Variants in IL1RL1 observed in about 807,000 individuals in gnomAD.
IL1RL1 encodes the protein interleukin 1 receptor like 1.
In IL1RL1, 32 loss-of-function variants were observed where a neutral mutation model predicts 50.9. The ratio of observed to expected loss-of-function variants is 0.63; its 90% CI spans 0.47 to 0.84. The LOEUF (loss-of-function observed/expected upper bound fraction) is 0.84, where lower values mean the gene tolerates loss of function less well. IL1RL1 is among the 40% of genes least tolerant of loss of function. IL1RL1 has a pLI of 0.00. For missense variants in IL1RL1, 773 were observed against 662.9 expected, an observed-to-expected ratio of 1.17 and a Z score of -1.82; for synonymous variants, 275 against 236.0, an observed-to-expected ratio of 1.17 and a Z score of -1.51.
At chr2:102,343,518 C>T (rs1677662874) in intron 8 of IL1RL1, 103 bp downstream of exon 8, 1 of 1,600,276 alleles carries the variant, frequency 6.2e-7, no homozygotes, top group South Asian at 1.1e-5. Flanking sequence ...TGGGAATGGC[C>T]TGTGCCATAA....
At chr2:102,339,261 A>G in intron 3 of IL1RL1, 1 of 505,762 alleles carries the variant, frequency 2.0e-6, no homozygotes, top group Non-Finnish European at 3.5e-6. Context: ...TTACAGTTGC[A>G]GGGATTGATT....
intron 1 of IL1RL1, among the ~76,000 whole-genome samples, chr2:102,322,618 A>G (rs1208780431): frequency 2.0e-5 from 3 of 152,240 alleles, no homozygotes; most frequent in African/African-American, 7.2e-5. Flanking sequence ...ATGAGAGAAT[A>G]TGATTTTCTA....
chr2:102,341,080 C>A, intron 5 of IL1RL1: 1 of 718,514 alleles, frequency 1.4e-6, no homozygotes, highest in Non-Finnish European at 1.9e-6. Context: ...TTTTTTGTGA[C>A]TTAATTTTCC....
intron 8 of IL1RL1, chr2:102,343,866 A>G: frequency 1.0e-6 from 1 of 1,002,414 alleles, no homozygotes; most frequent in Non-Finnish European, 1.2e-6. Context: ...CGAGGGTGGT[A>G]AAGTGAACAA....
At chr2:102,349,765 T>A (rs571338880) in intron 10 of IL1RL1, among the ~76,000 whole-genome samples, 9 of 152,314 alleles carry the variant, frequency 5.9e-5, no homozygotes, top group African/African-American at 2.2e-4. Context: ...TACCCAATTT[T>A]ATATACTTTT....
At position 102,351,873 on chromosome 2, in the gene IL1RL1, T is replaced by A. The variant is rs767247490; in HGVS notation, c.1623T>A (p.Ile541=). The A allele has an allele frequency of 6.2e-7, 1 of 1,613,768 alleles. No individual in the cohort carries two copies. The highest frequency in any genetic ancestry group is 8.5e-7 in the Non-Finnish European group (1 of 1,179,850). ...VRYQMPVPSK[I]PRKASSLTPL... ...ACCAAATGCCTGTGCCAAGCAAAAT[T>A]CCCAGAAAGGCCTCTAGTTTGACTC... is the stretch of plus-strand genomic sequence containing the variant. Residue 541 remains isoleucine, a synonymous_variant, in exon 11 of 11, where the codon ATT becomes ATA. Transcript: ENST00000233954.
chr2:102,322,949 G>T lies in IL1RL1; in HGVS notation c.-150+11326G>T, dbSNP rs920642722. Among the ~76,000 whole-genome samples the T allele has an allele frequency of 2.6e-5, 4 of 151,940 alleles. No homozygotes were observed. In the South Asian group the frequency reaches 6.2e-4, roughly 24 times the overall value. ...CTTAGCATAATTTTTCAGGAGCAAG[G>T]CTTTATTATTTTTTTGTTTGGAAAT... is the stretch of plus-strand genomic sequence containing the variant. On this transcript the variant is annotated intron_variant, in intron 1 of 10. Transcript: ENST00000233954.
At chr2:102,330,241 C>CA (rs1373574717) in intron 1 of IL1RL1, among the ~76,000 whole-genome samples, 1 of 151,226 alleles carries the variant, frequency 6.6e-6, no homozygotes, top group Non-Finnish European at 1.5e-5. Context: ...ATCGCAAGGA[C>CA]AAAAAACCGA....
chr2:102,321,074 A>G (rs1259915085), intron 1 of IL1RL1, among the ~76,000 whole-genome samples: 1 of 152,122 alleles, frequency 6.6e-6, no homozygotes, highest in Non-Finnish European at 1.5e-5. Flanking sequence ...CCTCGGACAC[A>G]CCAGGCTTGC....
chr2:102,335,960 G>A (rs1016928862), intron 1 of IL1RL1, among the ~76,000 whole-genome samples: 1 of 152,156 alleles, frequency 6.6e-6, no homozygotes, highest in African/African-American at 2.4e-5. Flanking sequence ...AATTTACGGC[G>A]AACATCTCAT....
rs10204137 is a variant in IL1RL1 at position 102,351,752 on chromosome 2, A to G, written c.1502A>G (p.Gln501Arg). The change falls in exon 11 of 11, where the codon CAG (glutamine) becomes CGG (arginine). Residue 501 changes from glutamine to arginine, a missense_variant. Coordinates refer to ENST00000233954, the MANE Select transcript of IL1RL1 (RefSeq NM_016232.5). ...GCTGAGGCGCTTCAGGACTCCCTCCAGCATCTTATGAAAGTACAGGGGACC... is the reference window on the plus strand; with the variant it reads ...GCTGAGGCGCTTCAGGACTCCCTCCGGCATCTTATGAAAGTACAGGGGACC... ...LQAEALQDSLQHLMKVQGTIK... is the reference protein window; with the variant it reads ...LQAEALQDSLRHLMKVQGTIK... 0.38 allele frequency: 606,717 copies of G among 1,612,806 alleles called. 122,646 individuals are homozygous for G. Among genetic ancestry groups the G allele is most frequent in the African/African-American group, 0.71 (52,887 of 74,822 alleles).
In IL1RL1 at chr2:102,343,405, GA is replaced by G; in HGVS notation, c.965del (p.Asn322IlefsTer11). 3 of 1,614,200 alleles carry G rather than the reference GA, an allele frequency of 1.9e-6. No homozygotes were observed. The highest frequency in any genetic ancestry group is 2.5e-6 in the Non-Finnish European group (3 of 1,180,028). On this transcript the variant is annotated frameshift_variant, in exon 8 of 11. Coordinates refer to ENST00000233954, the MANE Select transcript of IL1RL1 (RefSeq NM_016232.5). LOFTEE classifies it high-confidence loss of function. Reference sequence around the variant, plus strand: ...GAAGGCACACCGTAAGACTAAGTAGGAAAAATCCAAGTAAGGAGTGTTTCTG... The same window carrying G: ...GAAGGCACACCGTAAGACTAAGTAGGAAAATCCAAGTAAGGAGTGTTTCTG... ...LRRHTVRLSR[K>X]NPIDHHSIYC...
chr2:102,324,585 G>T (rs1180406824), intron 1 of IL1RL1, among the ~76,000 whole-genome samples: 1 of 152,298 alleles, frequency 6.6e-6, no homozygotes, highest in South Asian at 2.1e-4. Context: ...AAGGGGTCAG[G>T]GAATTCCCTT....
chr2:102,338,464 AT>A, intron 2 of IL1RL1, 139 bp downstream of exon 2: 1 of 539,410 alleles, frequency 1.9e-6, no homozygotes, highest in East Asian at 3.0e-5. Context: ...TTGTACAATC[AT>A]TTTTCATTAC....
intron 1 of IL1RL1, among the ~76,000 whole-genome samples, chr2:102,330,272 T>C (rs570510529): frequency 7.5e-5 from 11 of 147,624 alleles, no homozygotes; most frequent in African/African-American, 2.5e-4. Context: ...TTCTCACTCA[T>C]AGATGGGAAT....
chr2:102,347,815 G>A, intron 8 of IL1RL1, 130 bp from the exon 9 acceptor site: 1 of 600,640 alleles, frequency 1.7e-6, no homozygotes, highest in East Asian at 2.8e-5. Flanking sequence ...ACTTAAAGCA[G>A]CCATGAAAAT....
chr2:102,338,098 G>A lies in IL1RL1; in HGVS notation c.-149-18G>A, dbSNP rs1479693256. 4.5e-6 allele frequency: 2 copies of A among 443,722 alleles called. No individual in the cohort carries two copies. The highest frequency in any genetic ancestry group is 2.0e-5 in the African/African-American group (1 of 48,900). 27.5% of individuals were successfully genotyped at this position (443,722 alleles called of 1,614,324 possible). A position where few individuals can be genotyped will look rare whatever the true frequency, so the allele number is the denominator to read the frequency against. On this transcript the variant is annotated intron_variant, in intron 1 of 10. Transcript: ENST00000233954. ...TGATAAAAATTCTGTTTATGGTTTTGTCTAACTTATTTTTCAGTTGAGATA... is the reference window on the plus strand; with the variant it reads ...TGATAAAAATTCTGTTTATGGTTTTATCTAACTTATTTTTCAGTTGAGATA...
chr2:102,343,937 T>G (rs1387056774), intron 8 of IL1RL1: 1 of 988,610 alleles, frequency 1.0e-6, no homozygotes, highest in Non-Finnish European at 1.2e-6. Context: ...TACTTTATAA[T>G]AAGACATTTG....
At chr2:102,345,576 TA>T in intron 8 of IL1RL1, 1 of 985,412 alleles carries the variant, frequency 1.0e-6, no homozygotes, top group Non-Finnish European at 1.2e-6. Context: ...GGAGAAAGGA[TA>T]GGGGTGTGGG....
Sources: gnomAD v4.1 joint callset for allele counts (sites outside exome capture counted in the v4.1 genomes callset) on GRCh38, gnomAD v4.1.1 for gene constraint, MANE v1.5 for transcripts, NCBI Gene and HGNC (gene_info 2026-07-23, HGNC 2026-07-21) for gene names.